EYS: variants seen among roughly 807,000 people sequenced by gnomAD.
EYS encodes EGF-like photoreceptor maintenance factor.
EYS carries 250 observed loss-of-function variants against 282.1 expected under a neutral mutation model. That is an observed-to-expected ratio of 0.89 (90% CI 0.80 to 0.98). EYS has a LOEUF of 0.98. Among genes scored for constraint, EYS ranks in the 50% least tolerant of loss-of-function variants. The pLI is 0.00. For synonymous variants in EYS, 1,355 were observed against 1,282.9 expected, an observed-to-expected ratio of 1.06 and a Z score of -1.20; for missense variants, 4,016 against 3,709.0, an observed-to-expected ratio of 1.08 and a Z score of -2.15.
chr6:65,455,023 T>C (rs1209234600), intron 5 of EYS, among the ~76,000 whole-genome samples: 2 of 152,114 alleles, frequency 1.3e-5, no homozygotes, highest in East Asian at 3.8e-4. Flanking sequence ...TTTAGAATTA[T>C]TTTTCTTTTG....
intron 35 of EYS, among the ~76,000 whole-genome samples, chr6:63,884,669 A>G (rs1224217183): frequency 6.6e-6 from 1 of 152,178 alleles, no homozygotes; most frequent in Non-Finnish European, 1.5e-5. Context: ...TTTATTTTTC[A>G]GATAGTCCGT....
At chr6:64,951,750 TAAACTTGCTAGTA>T (rs1270675074) in intron 14 of EYS, among the ~76,000 whole-genome samples, 1 of 151,798 alleles carries the variant, frequency 6.6e-6, no homozygotes, top group Non-Finnish European at 1.5e-5. Flanking sequence ...ACAGAATTAA[TAAACTTGCTAGTA>T]AAAGATATAC....
At chr6:65,060,417 TA>T (rs932466713) in intron 12 of EYS, among the ~76,000 whole-genome samples, 11 of 152,014 alleles carry the variant, frequency 7.2e-5, no homozygotes, top group Non-Finnish European at 1.3e-4. Context: ...ATTCATCCCC[TA>T]AAGTACAGTG....
intron 14 of EYS, among the ~76,000 whole-genome samples, chr6:64,969,632 T>G (rs952805314): frequency 6.6e-6 from 1 of 152,094 alleles, no homozygotes; most frequent in African/African-American, 2.4e-5. Flanking sequence ...CCACTTCTTT[T>G]GCTTGAAGAT....
At chr6:63,844,927 A>G (rs1772059434) in intron 36 of EYS, among the ~76,000 whole-genome samples, 1 of 152,018 alleles carries the variant, frequency 6.6e-6, no homozygotes, top group Non-Finnish European at 1.5e-5. Context: ...ATCATGAAAT[A>G]TTTGCTAATG....
At chr6:64,292,559 A>T (rs182808676) in intron 30 of EYS, among the ~76,000 whole-genome samples, 127 of 152,224 alleles carry the variant, frequency 8.3e-4, no homozygotes, top group Admixed American at 2.1e-3. Context: ...TTAAGATTTG[A>T]GGTAAGAGTA....
intron 29 of EYS, among the ~76,000 whole-genome samples, chr6:64,347,755 T>C (rs1234602945): frequency 1.3e-5 from 2 of 151,376 alleles, no homozygotes; most frequent in Non-Finnish European, 3.0e-5. Context: ...ATATTTTAAA[T>C]GTGTTTATTT....
intron 29 of EYS, among the ~76,000 whole-genome samples, chr6:64,310,623 GTAAC>G (rs2150378094): frequency 6.6e-6 from 1 of 152,244 alleles, no homozygotes; most frequent in African/African-American, 2.4e-5. Flanking sequence ...ATGAGGAAAA[GTAAC>G]TAATATGTAC....
intron 22 of EYS, among the ~76,000 whole-genome samples, chr6:64,721,309 C>G (rs1246112856): frequency 1.3e-5 from 2 of 151,982 alleles, no homozygotes; most frequent in East Asian, 1.9e-4. Context: ...CAGGAAGGTT[C>G]CAAAGGAAAC....
chr6:65,358,599 A>AGTGTGTGT (rs61588307), intron 8 of EYS, among the ~76,000 whole-genome samples: 15,124 of 140,624 alleles, frequency 0.11, 782 homozygotes, highest in South Asian at 0.15. Context: ...AGGTTTCTGA[A>AGTGTGTGT]GTGTGTGTGT....
chr6:64,945,219 A>G (rs1017629759), intron 15 of EYS, among the ~76,000 whole-genome samples: 1 of 151,942 alleles, frequency 6.6e-6, no homozygotes, highest in South Asian at 2.1e-4. Flanking sequence ...AACTTATTCA[A>G]CAAGCAAAAA....
At chr6:64,977,385 T>C (rs1195110375) in intron 14 of EYS, among the ~76,000 whole-genome samples, 1 of 151,966 alleles carries the variant, frequency 6.6e-6, no homozygotes, top group Non-Finnish European at 1.5e-5. Context: ...CAAACTTAAA[T>C]AATAAATGTT....
At chr6:64,431,880 G>C (rs1344861917) in intron 28 of EYS, among the ~76,000 whole-genome samples, 1 of 151,996 alleles carries the variant, frequency 6.6e-6, no homozygotes, top group East Asian at 1.9e-4. Flanking sequence ...TTTGTATCTG[G>C]TTCTGCATCA....
chr6:65,441,684 C>G (rs1446995080), intron 5 of EYS, among the ~76,000 whole-genome samples: 4 of 152,004 alleles, frequency 2.6e-5, no homozygotes, highest in Admixed American at 1.3e-4. Flanking sequence ...TAAGCAAAGT[C>G]AACCTACAAA....
intron 14 of EYS, among the ~76,000 whole-genome samples, chr6:64,959,752 C>A (rs9453134): frequency 0.03 from 4,616 of 152,140 alleles, 245 homozygotes; most frequent in African/African-American, 0.11. Flanking sequence ...AACTGTCTCT[C>A]TATTGTGCCA....
chr6:64,232,288 C>T (rs6916780), intron 30 of EYS, among the ~76,000 whole-genome samples: 87,967 of 151,934 alleles, frequency 0.58, 26,625 homozygotes, highest in Non-Finnish European at 0.68. Context: ...TTATTCCTAA[C>T]GATGCTTGAT....
At chr6:63,830,208 C>T (rs370577731) in intron 36 of EYS, among the ~76,000 whole-genome samples, 10 of 152,262 alleles carry the variant, frequency 6.6e-5, no homozygotes, top group South Asian at 2.1e-4. Flanking sequence ...CAAAGCTGGA[C>T]GGAGATGACT....
At chr6:65,311,732 A>G in intron 11 of EYS, among the ~76,000 whole-genome samples, 1 of 152,202 alleles carries the variant, frequency 6.6e-6, no homozygotes, top group African/African-American at 2.4e-5. Flanking sequence ...CTAATACAAT[A>G]TTTATCCTCT....
At chr6:65,132,112 G>T (rs543754244) in intron 12 of EYS, among the ~76,000 whole-genome samples, 56 of 152,030 alleles carry the variant, frequency 3.7e-4, no homozygotes, top group Non-Finnish European at 7.8e-4. Flanking sequence ...GTGCCAGATG[G>T]ATTTACAGCC....
Sources: gnomAD v4.1 joint callset for allele counts (sites outside exome capture counted in the v4.1 genomes callset) on GRCh38, gnomAD v4.1.1 for gene constraint, MANE v1.5 for transcripts, NCBI Gene and HGNC (gene_info 2026-07-23, HGNC 2026-07-21) for gene names.